Variants in PACRG observed in about 807,000 individuals in gnomAD.
PACRG encodes parkin coregulated gene protein.
A neutral mutation model predicts 29.7 loss-of-function variants in PACRG; 29 were observed. The ratio of observed to expected loss-of-function variants is 0.98; its 90% CI spans 0.73 to 1.33. PACRG has a LOEUF of 1.33. PACRG is among the 40% of genes most tolerant of loss of function. The probability of loss-of-function intolerance (pLI) is 0.00; values close to 1 mark genes in which losing one functional copy is unlikely to be tolerated. For synonymous variants in PACRG, 116 were observed against 118.7 expected (o/e 0.98, Z 0.15); for missense variants, 279 against 316.2 (o/e 0.88, Z 0.89).
At chr6:163,108,392 CTTTTTTTTTT>C (rs528887997) in intron 4 of PACRG, among the ~76,000 whole-genome samples, 72 of 90,544 alleles carry the variant, frequency 8.0e-4, no homozygotes, top group African/African-American at 3.0e-3. Context: ...TTCTCTTTCC[CTTTTTTTTTT>C]TTTTTTTTTT....
At position 162,810,675 on chromosome 6, in the gene PACRG, C is replaced by T. The variant is rs914170588; in HGVS notation, c.157-3472C>T. Reference sequence around the variant, plus strand: ...TAAATAAAAGCATATTTGGGCTCAACAGCAGAATGCAGTAGGCAGAAGGAA... The same window carrying T: ...TAAATAAAAGCATATTTGGGCTCAATAGCAGAATGCAGTAGGCAGAAGGAA... On this transcript the variant is annotated intron_variant, in intron 1 of 4. Transcript: ENST00000366888. 1.8e-4 allele frequency among the ~76,000 whole-genome samples: 27 copies of T among 152,222 alleles called. 1 individual carries two copies. Among genetic ancestry groups the T allele is most frequent in the Admixed American group, 1.4e-3 (22 of 15,288 alleles).
At chr6:162,806,364 G>T (rs1208844660) in intron 1 of PACRG, among the ~76,000 whole-genome samples, 1 of 151,196 alleles carries the variant, frequency 6.6e-6, no homozygotes, top group Non-Finnish European at 1.5e-5. Flanking sequence ...CCCACCTCAG[G>T]CTTCCAAAGT....
intron 2 of PACRG, among the ~76,000 whole-genome samples, chr6:162,838,340 C>T (rs2128403750): frequency 6.6e-6 from 1 of 152,262 alleles, no homozygotes; most frequent in African/African-American, 2.4e-5. Context: ...CTCCTGTATC[C>T]TTTTCCCATA....
chr6:163,093,469 A>G (rs1814298511), intron 4 of PACRG, among the ~76,000 whole-genome samples: 1 of 152,234 alleles, frequency 6.6e-6, no homozygotes, highest in Non-Finnish European at 1.5e-5. Context: ...TTCAATTTAT[A>G]GCTTTCAGAG....
intron 2 of PACRG, among the ~76,000 whole-genome samples, chr6:162,924,690 A>G (rs573456169): frequency 2.0e-4 from 30 of 151,986 alleles, no homozygotes; most frequent in Non-Finnish European, 3.7e-4. Context: ...AATATATCAC[A>G]TTTATTGACT....
In PACRG at chr6:162,888,706, G is replaced by T. The variant is rs138360790; in HGVS notation, c.291+74425G>T. Reference sequence around the variant, plus strand: ...GTCCTCCCCTGCCTGGGTCTGCAGGGGTCAGAAGCATTTCCATAGCAGTCA... The same window carrying T: ...GTCCTCCCCTGCCTGGGTCTGCAGGTGTCAGAAGCATTTCCATAGCAGTCA... On this transcript the variant is annotated intron_variant, in intron 2 of 4. Coordinates refer to ENST00000366888, the MANE Select transcript of PACRG (RefSeq NM_001080379.2). 1.4e-3 allele frequency among the ~76,000 whole-genome samples: 210 copies of T among 152,248 alleles called. 2 individuals carry two copies. Among genetic ancestry groups the T allele is most frequent in the African/African-American group, 4.6e-3 (190 of 41,548 alleles).
Position 162,984,858 on chromosome 6 carries a change from GTT to G in PACRG, c.292-77281_292-77280del, listed in dbSNP as rs35361176. Among the ~76,000 whole-genome samples the G allele has an allele frequency of 5.7e-4, 84 of 146,846 alleles. No homozygotes were observed. In the East Asian group the frequency reaches 7.1e-3, roughly 12 times the overall value. ...CTTAGCCCACTTTTTGATGCGATTG[GTT>G]TTTTTTTTTTCTTGCTGATTTGTTT... On this transcript the variant is annotated intron_variant, in intron 2 of 4. Transcript: ENST00000366888.
At chr6:162,927,941 AT>A (rs1797571364) in intron 2 of PACRG, among the ~76,000 whole-genome samples, 1 of 151,956 alleles carries the variant, frequency 6.6e-6, no homozygotes, top group African/African-American at 2.4e-5. Flanking sequence ...TGATGAATTT[AT>A]TGATGAATTT....
At chr6:162,921,990 T>C (rs538242255) in intron 2 of PACRG, among the ~76,000 whole-genome samples, 1 of 152,174 alleles carries the variant, frequency 6.6e-6, no homozygotes, top group African/African-American at 2.4e-5. Context: ...CTGTCTTAAG[T>C]CTCTGCCATT....
At chr6:163,206,227 A>T (rs1265051484) in intron 4 of PACRG, among the ~76,000 whole-genome samples, 1 of 152,192 alleles carries the variant, frequency 6.6e-6, no homozygotes, top group Non-Finnish European at 1.5e-5. Context: ...ACCTGAAGTA[A>T]TATAAATCAT....
chr6:162,773,917 C>T (rs1214763949), intron 1 of PACRG, among the ~76,000 whole-genome samples: 1 of 152,006 alleles, frequency 6.6e-6, no homozygotes, highest in East Asian at 1.9e-4. Context: ...TGGTCTTAAT[C>T]CAGGTAAAGC....
intron 4 of PACRG, among the ~76,000 whole-genome samples, chr6:163,272,889 A>ATTTTTTTTTT (rs1301093605): frequency 9.4e-5 from 11 of 117,376 alleles, no homozygotes; most frequent in African/African-American, 1.1e-4. Context: ...ATGATGCATC[A>ATTTTTTTTTT]TTCTTTTTTT....
At chr6:163,187,625 C>CT (rs950822508) in intron 4 of PACRG, 23 of 152,380 alleles carry the variant, frequency 1.5e-4, no homozygotes, top group Admixed American at 1.4e-3. Flanking sequence ...ACTTCACCCT[C>CT]TTTTCTACCT....
intron 4 of PACRG, among the ~76,000 whole-genome samples, chr6:163,195,060 C>G (rs549538348): frequency 6.6e-6 from 1 of 152,176 alleles, no homozygotes; most frequent in South Asian, 2.1e-4. Flanking sequence ...GATCTGGAGT[C>G]GATGGTAGAG....
chr6:163,203,537 G>T (rs1408802126), intron 4 of PACRG, among the ~76,000 whole-genome samples: 1 of 152,212 alleles, frequency 6.6e-6, no homozygotes, highest in Non-Finnish European at 1.5e-5. Flanking sequence ...GTTTGCCTCG[G>T]GTTTTGGGTT....
At chr6:163,067,782 C>A (rs896466530) in intron 3 of PACRG, among the ~76,000 whole-genome samples, 11 of 152,186 alleles carry the variant, frequency 7.2e-5, no homozygotes, top group Admixed American at 1.3e-4. Flanking sequence ...CACAAACATA[C>A]CTTCTTCCCC....
intron 2 of PACRG, among the ~76,000 whole-genome samples, chr6:162,919,472 A>G (rs1796917022): frequency 6.6e-6 from 1 of 152,220 alleles, no homozygotes; most frequent in East Asian, 1.9e-4. Context: ...TTCTCGTAGC[A>G]CCATGCAAAA....
intron 2 of PACRG, among the ~76,000 whole-genome samples, chr6:162,844,380 C>G (rs1790146375): frequency 6.6e-6 from 1 of 152,226 alleles, no homozygotes; most frequent in African/African-American, 2.4e-5. Flanking sequence ...TCCGTCACCC[C>G]TCTCTGACTC....
At chr6:163,084,860 A>AAT (rs1294637979) in intron 3 of PACRG, among the ~76,000 whole-genome samples, 1 of 147,164 alleles carries the variant, frequency 6.8e-6, no homozygotes, top group Non-Finnish European at 1.5e-5. Context: ...GCATATATAT[A>AAT]ATATATATAT....
Sources: gnomAD v4.1 joint callset for allele counts (sites outside exome capture counted in the v4.1 genomes callset) on GRCh38, gnomAD v4.1.1 for gene constraint, MANE v1.5 for transcripts, NCBI Gene and HGNC (gene_info 2026-07-23, HGNC 2026-07-21) for gene names.